LIPE: variants seen among roughly 807,000 people sequenced by gnomAD.
The protein encoded by LIPE is lipase E, hormone sensitive type, also known as hormone-sensitive lipase.
Under a neutral mutation model 88.5 loss-of-function variants are expected in LIPE, and 66 were observed. The observed-to-expected ratio is 0.75, with a 90% CI of 0.61 to 0.91. The LOEUF (loss-of-function observed/expected upper bound fraction) is 0.91, where lower values mean the gene tolerates loss of function less well. LIPE is among the 40% of genes least tolerant of loss of function. The probability of loss-of-function intolerance (pLI) is 0.00; values close to 1 mark genes in which losing one functional copy is unlikely to be tolerated. For missense variants in LIPE, 1,346 were observed against 1,434.7 expected, an observed-to-expected ratio of 0.94 and a Z score of 1.00; for synonymous variants, 570 against 617.5, an observed-to-expected ratio of 0.92 and a Z score of 1.14.
intron 1 of LIPE, chr19:42,412,484 C>T (rs1568606731): frequency 4.1e-6 from 4 of 985,826 alleles, no homozygotes; most frequent in Non-Finnish European, 4.8e-6. Flanking sequence ...TGTAGCCGCA[C>T]AAGCCACCTC....
chr19:42,403,241 A>ATGTG (rs56983822), intron 8 of LIPE, among the ~76,000 whole-genome samples: 187 of 91,990 alleles, frequency 2.0e-3, no homozygotes, highest in Middle Eastern at 5.9e-3. Flanking sequence ...CTAGTGAAGG[A>ATGTG]TGTGTGTGTG....
intron 8 of LIPE, among the ~76,000 whole-genome samples, chr19:42,404,315 T>A (rs1029481753): frequency 6.6e-6 from 1 of 151,258 alleles, no homozygotes; most frequent in African/African-American, 2.4e-5. Flanking sequence ...CACTGCAACC[T>A]CGTCTCTTGG....
At position 42,401,900 on chromosome 19, in the gene LIPE, C is replaced by A. The variant is rs1568591755; in HGVS notation, c.3143G>T (p.Arg1048Leu). 1.3e-6 allele frequency: 2 copies of A among 1,546,450 alleles called. No homozygotes were observed. The highest frequency in any genetic ancestry group is 1.7e-6 in the Non-Finnish European group (2 of 1,152,110). ...QAAELCVERI[R>L]LVLTPPAGAG... Reference sequence around the variant, plus strand: ...TCCGGCGGGAGGAGTGAGGACGAGGCGGATGCGCTCCACGCACAGCTCTGC... The same window carrying A: ...TCCGGCGGGAGGAGTGAGGACGAGGAGGATGCGCTCCACGCACAGCTCTGC... Residue 1048 changes from arginine to leucine, a missense_variant, in exon 10 of 10, where the codon CGC becomes CTC. Transcript: ENST00000244289.
At chr19:42,419,780 G>A (rs1173357768) in intron 1 of LIPE, among the ~76,000 whole-genome samples, 1 of 152,268 alleles carries the variant, frequency 6.6e-6, no homozygotes, top group East Asian at 1.9e-4. Flanking sequence ...AGGAAGCCTG[G>A]AATCAGATGC....
intron 1 of LIPE, among the ~76,000 whole-genome samples, chr19:42,416,723 G>C (rs1478920155): frequency 6.6e-6 from 1 of 152,190 alleles, no homozygotes; most frequent in Non-Finnish European, 1.5e-5. Context: ...TTACAGCATG[G>C]TTTACTGAAT....
intron 1 of LIPE, chr19:42,423,670 C>A: frequency 5.2e-6 from 6 of 1,153,950 alleles, no homozygotes; most frequent in Non-Finnish European, 6.5e-6. Flanking sequence ...GGGTCCAGCT[C>A]CCTAACCAAT....
rs201302932 is a variant in LIPE, at chr19:42,408,092, C to T, written c.1540G>A (p.Gly514Ser). ...SVAASSLFTS[G>S]RFAIDPELRG... ...AGCTCGGGGTCGATGGCAAAGCGGC[C>T]GCTGGTGAAGAGAGAGCTGGCGGCC... The change falls in exon 4 of 10, where the codon GGC (glycine) becomes AGC (serine). Residue 514 changes from glycine (G) to serine (S), a missense_variant. Gly to Ser is a moderately conservative substitution (Grantham distance 56). Coordinates refer to ENST00000244289, the MANE Select transcript of LIPE (RefSeq NM_005357.4). This position sits in a 1 kb window ranked among gnomAD's most constrained non-coding sequence, Gnocchi z 4.3. 4.2e-5 allele frequency: 68 copies of T among 1,613,790 alleles called. No individual in the cohort carries two copies. Among genetic ancestry groups the T allele is most frequent in the Admixed American group, 3.5e-4 (21 of 60,000 alleles).
At position 42,423,564 on chromosome 19, in the gene LIPE, C is replaced by G. The variant is rs35409716; in HGVS notation, c.883+2703G>C. On this transcript the variant is annotated intron_variant, in intron 1 of 9. Coordinates refer to ENST00000244289, the MANE Select transcript of LIPE (RefSeq NM_005357.4). The stretch of plus-strand genomic sequence containing the variant: ...ATTCCCCGCGGTCCTCCCGCGGGGG[C>G]CAATTCCAGCCGCGAGGCCCTGCCC... The G allele has an allele frequency of 7.5e-3, 9,165 of 1,227,788 alleles. 467 individuals are homozygous for G. In the African/African-American group the frequency reaches 0.12, roughly 16 times the overall value. 76.1% of individuals were successfully genotyped at this position (1,227,788 alleles called of 1,614,324 possible). A position where few individuals can be genotyped will look rare whatever the true frequency, so the allele number is the denominator to read the frequency against.
At chr19:42,402,534 G>A in intron 9 of LIPE, 73 bp downstream of exon 9, 1 of 1,331,328 alleles carries the variant, frequency 7.5e-7, no homozygotes, top group Non-Finnish European at 9.9e-7. Flanking sequence ...GTGTACCCGT[G>A]CCCGGTCCCC....
At chr19:42,423,345 G>GTCCACGCTGTCC in intron 1 of LIPE, 1 of 1,164,260 alleles carries the variant, frequency 8.6e-7, no homozygotes, top group Non-Finnish European at 1.1e-6. Context: ...CAGTGGGCCA[G>GTCCACGCTGTCC]TCCACGCTGT....
In LIPE at chr19:42,401,584, G is replaced by A. The variant is rs1046112355; in HGVS notation, c.*228C>T. On this transcript the variant is annotated 3_prime_UTR_variant, in exon 10 of 10. Coordinates refer to ENST00000244289, the MANE Select transcript of LIPE (RefSeq NM_005357.4). ...GAGGGCCAGTCCCCGTCCCTGCGGCGGTCGCCGCAGCAGCAGCAGCAAAAG... is the reference window on the plus strand; with the variant it reads ...GAGGGCCAGTCCCCGTCCCTGCGGCAGTCGCCGCAGCAGCAGCAGCAAAAG... 4.0e-6 allele frequency: 2 copies of A among 500,552 alleles called. No homozygotes were observed. The highest frequency in any genetic ancestry group is 7.0e-6 in the Non-Finnish European group (2 of 286,150). The allele number at this position is 500,552 out of a possible 1,614,324, so 31.0% of individuals were successfully genotyped here. A position where few individuals can be genotyped will look rare whatever the true frequency, so the allele number is the denominator to read the frequency against.
In LIPE at chr19:42,426,920, G is replaced by C; in HGVS notation, c.230C>G (p.Ala77Gly). 6.2e-7 allele frequency: 1 copy of C among 1,614,160 alleles called. No individual in the cohort carries two copies. Among genetic ancestry groups the C allele is most frequent in the Non-Finnish European group, 8.5e-7 (1 of 1,180,040 alleles). Residue 77 changes from alanine to glycine, a missense_variant, in exon 1 of 10, where the codon GCC (alanine) becomes GGC (glycine). By Grantham distance (60) the Ala-to-Gly change is moderately conservative. Transcript: ENST00000244289. ...CTCTTGTGAAGCAGATTTTTGTTGG[G>C]CTCTAGGTTCCTTCTGGGATTCAGC... ...HDAESQKEPR[A>G]QQKSASQEEF... is the part of the protein sequence containing the mutation.
At chr19:42,411,165 C>A (rs993142868) in intron 1 of LIPE, 1 of 286,062 alleles carries the variant, frequency 3.5e-6, no homozygotes, top group Non-Finnish European at 5.2e-6. Context: ...GACCCAGGAG[C>A]CCCTGCTATC....
chr19:42,418,566 C>A (rs2040534774), intron 1 of LIPE, among the ~76,000 whole-genome samples: 1 of 151,880 alleles, frequency 6.6e-6, no homozygotes, highest in Admixed American at 6.6e-5. Flanking sequence ...GTAATCCTGG[C>A]ACTTTGGGAG....
chr19:42,418,031 G>A (rs1568610345), intron 1 of LIPE, among the ~76,000 whole-genome samples: 1 of 151,034 alleles, frequency 6.6e-6, no homozygotes, highest in Non-Finnish European at 1.5e-5. Context: ...TGCCCAGGCT[G>A]GAGTGCAATG....
intron 7 of LIPE, chr19:42,405,942 T>C (rs949372326): frequency 3.4e-6 from 2 of 581,854 alleles, no homozygotes; most frequent in African/African-American, 3.8e-5. Context: ...CTGAGCGACA[T>C]GACACCTTGT....
intron 1 of LIPE, chr19:42,423,796 G>A: frequency 9.0e-7 from 1 of 1,107,632 alleles, no homozygotes; most frequent in Middle Eastern, 4.3e-4. Context: ...CCCCGGGGGT[G>A]GCGAAAAGCG....
At chr19:42,404,706 T>A (rs754004413) in intron 8 of LIPE, among the ~76,000 whole-genome samples, 74 of 152,118 alleles carry the variant, frequency 4.9e-4, no homozygotes, top group Admixed American at 2.2e-3. Flanking sequence ...TGCAAAACAA[T>A]GTGAGAATAA....
At chr19:42,403,071 T>TG (rs778313514) in intron 8 of LIPE, 40 bp from the exon 9 acceptor site, 1 of 1,492,358 alleles carries the variant, frequency 6.7e-7, no homozygotes, top group Admixed American at 2.1e-5. Flanking sequence ...TCCGTTAGTT[T>TG]GGTTGTGTGT....
Sources: allele counts gnomAD v4.1 joint callset (sites outside exome capture counted in the v4.1 genomes callset), GRCh38; gene constraint gnomAD v4.1.1; non-coding constraint Gnocchi (gnomAD v3.1); transcripts MANE v1.5; gene names NCBI Gene and HGNC (gene_info 2026-07-23, HGNC 2026-07-21).